CDH6: variants seen among roughly 807,000 people sequenced by gnomAD.
CDH6 encodes cadherin 6.
In CDH6, 31 loss-of-function variants were observed where a neutral mutation model predicts 78.0. That is an observed-to-expected ratio of 0.40 (90% confidence interval 0.30 to 0.54). The LOEUF (loss-of-function observed/expected upper bound fraction) is 0.54. Ranked by LOEUF, CDH6 falls within the 20% of genes least tolerant of loss-of-function variation. The pLI is 0.56. For missense variants in CDH6, 724 were observed against 975.9 expected (o/e 0.74, Z 3.44); for synonymous variants, 376 against 368.8 (o/e 1.02, Z -0.23).
chr5:31,242,595 G>A (rs1269872217), intron 1 of CDH6, among the ~76,000 whole-genome samples: 1 of 151,834 alleles, frequency 6.6e-6, no homozygotes, highest in African/African-American at 2.4e-5. Context: ...TAGCATGCAG[G>A]GAAAGCAAAT....
chr5:31,204,490 T>TTG (rs1740459052), intron 1 of CDH6, among the ~76,000 whole-genome samples: 2 of 152,154 alleles, frequency 1.3e-5, no homozygotes, highest in Admixed American at 6.5e-5. Flanking sequence ...AATAAAAGAT[T>TTG]TCTATGTGGT....
At chr5:31,201,465 C>T (rs962886315) in intron 1 of CDH6, among the ~76,000 whole-genome samples, 5 of 151,954 alleles carry the variant, frequency 3.3e-5, no homozygotes, top group African/African-American at 1.2e-4. Flanking sequence ...ATGATGACAA[C>T]CTATTGTGTG....
At chr5:31,233,717 C>CCATGACTGGCT in intron 1 of CDH6, among the ~76,000 whole-genome samples, 1 of 152,228 alleles carries the variant, frequency 6.6e-6, no homozygotes, top group East Asian at 1.9e-4. Flanking sequence ...CCAGTTCTTC[C>CCATGACTGGCT]CATGACTGGC....
intron 2 of CDH6, among the ~76,000 whole-genome samples, 197 bp downstream of exon 2, chr5:31,267,898 CAA>C: frequency 6.6e-6 from 1 of 151,880 alleles, no homozygotes; most frequent in African/African-American, 2.4e-5. Flanking sequence ...AGCCCTGCAA[CAA>C]AGAGAGAGAA....
At chr5:31,316,752 G>T (rs1185842119) in intron 9 of CDH6, among the ~76,000 whole-genome samples, 3 of 152,076 alleles carry the variant, frequency 2.0e-5, no homozygotes, top group Non-Finnish European at 4.4e-5. Context: ...TTACACATTT[G>T]TCCCCACATG....
rs1325931808 is a variant in CDH6, at chr5:31,328,325, C to T, written c.*5017C>T. ...GATCTTGGTCTTTCTTGTGAGGCTA[C>T]GTTATTTATGTAAATATGTCTGGAG... On this transcript the variant is annotated 3_prime_UTR_variant, in exon 12 of 12. Coordinates refer to ENST00000265071, the MANE Select transcript of CDH6 (RefSeq NM_004932.4). 2 of 198,748 alleles carry T rather than the reference C, an allele frequency of 1.0e-5. No individual in the cohort carries two copies. Among genetic ancestry groups the T allele is most frequent in the Admixed American group, 1.2e-4 (2 of 16,552 alleles). The allele number at this position is 198,748 out of a possible 1,614,324, so 12.3% of individuals were successfully genotyped here. A position where few individuals can be genotyped will look rare whatever the true frequency, so the allele number is the denominator to read the frequency against.
intron 1 of CDH6, among the ~76,000 whole-genome samples, chr5:31,198,725 G>A (rs1740238952): frequency 6.6e-6 from 1 of 152,004 alleles, no homozygotes; most frequent in South Asian, 2.1e-4. Flanking sequence ...AATAGAAATA[G>A]AATCAAAATT....
intron 8 of CDH6, among the ~76,000 whole-genome samples, chr5:31,315,206 TC>T (rs1461593625): frequency 1.3e-5 from 2 of 152,196 alleles, no homozygotes; most frequent in Non-Finnish European, 2.9e-5. Context: ...ACTTAATTTC[TC>T]TATAGCACTT....
intron 1 of CDH6, among the ~76,000 whole-genome samples, chr5:31,205,249 A>C (rs1246991668): frequency 6.6e-6 from 1 of 152,230 alleles, no homozygotes; most frequent in Non-Finnish European, 1.5e-5. Flanking sequence ...CATGCTTGCC[A>C]GTGAAAATAC....
At chr5:31,235,789 G>A (rs891643188) in intron 1 of CDH6, among the ~76,000 whole-genome samples, 7 of 152,180 alleles carry the variant, frequency 4.6e-5, no homozygotes, top group Admixed American at 4.6e-4. Context: ...CAGGCAAGAA[G>A]CAATACTTTA....
At chr5:31,314,092 C>G (rs1738234911) in intron 8 of CDH6, among the ~76,000 whole-genome samples, 1 of 152,038 alleles carries the variant, frequency 6.6e-6, no homozygotes, top group African/African-American at 2.4e-5. Context: ...ACAATGAAAA[C>G]TAATGTAGAT....
chr5:31,297,249 A>C (rs1032108737), intron 3 of CDH6, 40 bp from the exon 4 acceptor site: 1 of 1,577,644 alleles, frequency 6.3e-7, no homozygotes. Flanking sequence ...ATTGATATGA[A>C]CTCTTGATGT....
At chr5:31,295,880 G>A (rs909912079) in intron 3 of CDH6, among the ~76,000 whole-genome samples, 1 of 152,088 alleles carries the variant, frequency 6.6e-6, no homozygotes, top group Admixed American at 6.6e-5. Flanking sequence ...ATCTGGCAAC[G>A]AATAGACATT....
At chr5:31,223,719 A>G (rs1304877317) in intron 1 of CDH6, among the ~76,000 whole-genome samples, 2 of 152,234 alleles carry the variant, frequency 1.3e-5, no homozygotes, top group Non-Finnish European at 2.9e-5. Context: ...ACTGTGTCCA[A>G]TATAATCATT....
chr5:31,212,336 C>G (rs1007781350), intron 1 of CDH6, among the ~76,000 whole-genome samples: 1 of 152,128 alleles, frequency 6.6e-6, no homozygotes, highest in Non-Finnish European at 1.5e-5. Context: ...TTTTAAGCAA[C>G]CTGCAAGCTT....
At chr5:31,213,774 A>C (rs1202783323) in intron 1 of CDH6, among the ~76,000 whole-genome samples, 1 of 151,120 alleles carries the variant, frequency 6.6e-6, no homozygotes, top group Non-Finnish European at 1.5e-5. Context: ...TCTTCCCCTC[A>C]CCCTCCCCAG....
chr5:31,270,066 GA>G (rs1336096857), intron 2 of CDH6, among the ~76,000 whole-genome samples: 4 of 152,010 alleles, frequency 2.6e-5, no homozygotes, highest in Non-Finnish European at 4.4e-5. Context: ...AAAAATAATA[GA>G]AAAAAATACA....
Position 31,324,338 on chromosome 5 carries a change from A to T in CDH6, c.*1030A>T, listed in dbSNP as rs1738563270. On this transcript the variant is annotated 3_prime_UTR_variant, in exon 12 of 12. Coordinates refer to ENST00000265071, the MANE Select transcript of CDH6 (RefSeq NM_004932.4). ...AATTAGTAAAGTTAGATTAAATAAA[A>T]CTTAAATCTCACTCTAGGAGTTCAG... 1 of 213,556 alleles carries T rather than the reference A, an allele frequency of 4.7e-6. No individual in the cohort carries two copies. The highest frequency in any genetic ancestry group is 7.1e-5 in the East Asian group (1 of 14,182). 13.2% of individuals were successfully genotyped at this position (213,556 alleles called of 1,614,324 possible).
chr5:31,325,962 C>T lies in CDH6; in HGVS notation c.*2654C>T, dbSNP rs1478559817. The T allele has an allele frequency of 8.6e-6, 2 of 232,170 alleles. No individual in the cohort carries two copies. The highest frequency in any genetic ancestry group is 1.7e-5 in the Non-Finnish European group (2 of 117,456). 14.4% of individuals were successfully genotyped at this position (232,170 alleles called of 1,614,324 possible). On this transcript the variant is annotated 3_prime_UTR_variant, in exon 12 of 12. Coordinates refer to ENST00000265071, the MANE Select transcript of CDH6 (RefSeq NM_004932.4). Reference sequence around the variant, plus strand: ...TCATAGTTCCATCATTCTCCAGCTTCGTCTCACTTCCTTCCCACCCCACCT... The same window carrying T: ...TCATAGTTCCATCATTCTCCAGCTTTGTCTCACTTCCTTCCCACCCCACCT...
Sources: allele counts gnomAD v4.1 joint callset (sites outside exome capture counted in the v4.1 genomes callset), GRCh38; gene constraint gnomAD v4.1.1; transcripts MANE v1.5; gene names NCBI Gene and HGNC (gene_info 2026-07-23, HGNC 2026-07-21).